RTN4RL1: variants seen among roughly 807,000 people sequenced by gnomAD.
RTN4RL1 encodes reticulon 4 receptor like 1.
In RTN4RL1, 7 loss-of-function variants were observed where a neutral mutation model predicts 25.6. The observed-to-expected ratio is 0.27, with a 90% CI of 0.16 to 0.51. The LOEUF (loss-of-function observed/expected upper bound fraction) is 0.51. Ranked by LOEUF, RTN4RL1 falls within the 20% of genes least tolerant of loss-of-function variation. The pLI, the probability that RTN4RL1 is intolerant of heterozygous loss-of-function variation, is 0.97. For missense variants in RTN4RL1, 500 were observed against 615.6 expected (o/e 0.81, Z 1.99); for synonymous variants, 297 against 288.2 (o/e 1.03, Z -0.31).
At chr17:1,984,714 C>T (rs961162441) in intron 1 of RTN4RL1, among the ~76,000 whole-genome samples, 4 of 152,248 alleles carry the variant, frequency 2.6e-5, no homozygotes, top group Admixed American at 6.5e-5. Flanking sequence ...CGCCTGTAAT[C>T]CCAGCACTTC....
chr17:1,942,510 G>T (rs1453444222), intron 1 of RTN4RL1, among the ~76,000 whole-genome samples: 1 of 152,066 alleles, frequency 6.6e-6, no homozygotes, highest in Non-Finnish European at 1.5e-5. Context: ...GGGTGCTCAG[G>T]AAAGACCCCT....
intron 1 of RTN4RL1, among the ~76,000 whole-genome samples, chr17:1,949,879 A>C (rs1915638346): frequency 6.6e-6 from 1 of 152,244 alleles, no homozygotes; most frequent in African/African-American, 2.4e-5. Context: ...GCGACTTCTG[A>C]ATTGAAACCT....
intron 1 of RTN4RL1, among the ~76,000 whole-genome samples, chr17:1,951,753 C>T (rs967778103): frequency 1.3e-5 from 2 of 151,978 alleles, no homozygotes; most frequent in African/African-American, 2.4e-5. Context: ...GCGCCCGGCC[C>T]GAAGCCACAA....
At chr17:1,986,972 AG>A (rs149332553) in intron 1 of RTN4RL1, among the ~76,000 whole-genome samples, 12,681 of 152,130 alleles carry the variant, frequency 0.083, 722 homozygotes, top group Non-Finnish European at 0.12. Context: ...CTGCAAAATG[AG>A]GGGGCTGGAC....
chr17:1,935,753 A>C lies in RTN4RL1; in HGVS notation c.*743T>G. 3.2e-6 allele frequency: 1 copy of C among 307,982 alleles called. No individual in the cohort carries two copies. Among genetic ancestry groups the C allele is most frequent in the Non-Finnish European group, 4.5e-6 (1 of 222,708 alleles). 19.1% of individuals were successfully genotyped at this position (307,982 alleles called of 1,614,324 possible). A position where few individuals can be genotyped will look rare whatever the true frequency, so the allele number is the denominator to read the frequency against. On this transcript the variant is annotated 3_prime_UTR_variant, in exon 2 of 2. Coordinates refer to ENST00000331238, the MANE Select transcript of RTN4RL1 (RefSeq NM_178568.4). Reference sequence around the variant, plus strand: ...TATATATATATATATATATATATATATGTAGAGTGTGAATATATATAAGTG... The same window carrying C: ...TATATATATATATATATATATATATCTGTAGAGTGTGAATATATATAAGTG...
At chr17:1,947,299 A>G (rs1915577635) in intron 1 of RTN4RL1, among the ~76,000 whole-genome samples, 1 of 152,180 alleles carries the variant, frequency 6.6e-6, no homozygotes, top group South Asian at 2.1e-4. Flanking sequence ...AAGCCGATGC[A>G]TGTGTGCAAA....
chr17:1,977,572 C>T lies in RTN4RL1; in HGVS notation c.14-39764G>A, dbSNP rs549899633. The stretch of plus-strand genomic sequence containing the variant: ...GTGTCTGGGACCCAGGAACCACCCG[C>T]GGCTGGGAGACCTGGGGCGGCCTGG... On this transcript the variant is annotated intron_variant, in intron 1 of 1. Transcript: ENST00000331238. Among the ~76,000 whole-genome samples the T allele has an allele frequency of 5.9e-5, 9 of 152,242 alleles. No individual in the cohort carries two copies. The East Asian group carries it at 7.7e-4, about 13-fold the overall frequency.
At chr17:1,985,095 T>C (rs955201001) in intron 1 of RTN4RL1, among the ~76,000 whole-genome samples, 2 of 152,344 alleles carry the variant, frequency 1.3e-5, no homozygotes, top group East Asian at 3.9e-4. Context: ...CAGGCAAATA[T>C]ACTTTGTTCC....
rs1403430053 is a variant in RTN4RL1, at chr17:1,998,712, C to T, written c.13+26141G>A. ...TGGCGCTGCCGGAGCGCCCGGGCCC[C>T]GCTCCCCTCACGGGCCTCGCAGCAC... On this transcript the variant is annotated intron_variant, in intron 1 of 1. Coordinates refer to ENST00000331238, the MANE Select transcript of RTN4RL1 (RefSeq NM_178568.4). The surrounding 1 kb of genome is among the most constrained non-coding windows in gnomAD (Gnocchi z 4.9). Among the ~76,000 whole-genome samples, 1 of 151,452 alleles carries T rather than the reference C, an allele frequency of 6.6e-6. No homozygotes were observed. Among genetic ancestry groups the T allele is most frequent in the African/African-American group, 2.4e-5 (1 of 41,094 alleles).
chr17:1,946,295 A>G (rs1287140246), intron 1 of RTN4RL1, among the ~76,000 whole-genome samples: 2 of 152,360 alleles, frequency 1.3e-5, no homozygotes, highest in South Asian at 4.1e-4. Context: ...CTCTGAATGC[A>G]GGAAGGGGAG....
intron 1 of RTN4RL1, among the ~76,000 whole-genome samples, chr17:1,991,695 A>G (rs1437462266): frequency 1.3e-5 from 2 of 152,070 alleles, no homozygotes; most frequent in Non-Finnish European, 2.9e-5. Context: ...CTTGGCATCC[A>G]CCCCATCTCA....
chr17:1,967,372 C>T (rs144224084), intron 1 of RTN4RL1, among the ~76,000 whole-genome samples: 191 of 152,214 alleles, frequency 1.3e-3, no homozygotes, highest in African/African-American at 4.3e-3. Flanking sequence ...CCCTCAGCAT[C>T]CTCAGCTCCC....
intron 1 of RTN4RL1, among the ~76,000 whole-genome samples, chr17:1,959,952 G>A (rs989943704): frequency 2.0e-5 from 3 of 152,126 alleles, no homozygotes; most frequent in Non-Finnish European, 4.4e-5. Flanking sequence ...CCGCCTGCCC[G>A]CCTGGCACTG....
At chr17:1,984,725 G>T (rs922339986) in intron 1 of RTN4RL1, among the ~76,000 whole-genome samples, 1 of 152,156 alleles carries the variant, frequency 6.6e-6, no homozygotes, top group African/African-American at 2.4e-5. Flanking sequence ...CCAGCACTTC[G>T]GGAGACCGAG....
intron 1 of RTN4RL1, among the ~76,000 whole-genome samples, chr17:1,950,876 G>A (rs1266925575): frequency 1.5e-5 from 2 of 131,654 alleles, no homozygotes; most frequent in African/African-American, 5.8e-5. Flanking sequence ...AAAAAAAAAG[G>A]CTACTTGGCA....
intron 1 of RTN4RL1, among the ~76,000 whole-genome samples, chr17:1,992,512 T>G (rs768949397): frequency 1.1e-4 from 17 of 152,174 alleles, no homozygotes; most frequent in Non-Finnish European, 2.1e-4. Context: ...GATTGAAGCT[T>G]AAGGATACAG....
At chr17:2,001,009 T>C (rs2066954587) in intron 1 of RTN4RL1, among the ~76,000 whole-genome samples, 1 of 151,830 alleles carries the variant, frequency 6.6e-6, no homozygotes, top group Non-Finnish European at 1.5e-5. Context: ...CCTCTGTGTC[T>C]GAGAATCACT....
intron 1 of RTN4RL1, among the ~76,000 whole-genome samples, chr17:1,947,158 C>T (rs748583062): frequency 4.0e-5 from 6 of 149,556 alleles, no homozygotes; most frequent in East Asian, 2.0e-4. Context: ...TGTGTATGCA[C>T]GGGGTCTGTG....
rs1213295319 is a variant in RTN4RL1, at chr17:1,952,331, G to GT, written c.14-14524_14-14523insA. 4.8e-3 allele frequency among the ~76,000 whole-genome samples: 480 copies of GT among 99,752 alleles called. 4 individuals are homozygous for GT. The highest frequency in any genetic ancestry group is 0.016 in the South Asian group (53 of 3,362). 65.4% of individuals were successfully genotyped at this position (99,752 alleles called of 152,430 possible). A position where few individuals can be genotyped will look rare whatever the true frequency, so the allele number is the denominator to read the frequency against. On this transcript the variant is annotated intron_variant, in intron 1 of 1. Transcript: ENST00000331238. ...GGAGGGGCATGGGTCAAGGGAGGTT[G>GT]GTTTTTTTTTTTTTTTTTTTTTTGA...
Sources: allele counts gnomAD v4.1 joint callset (sites outside exome capture counted in the v4.1 genomes callset), GRCh38; gene constraint gnomAD v4.1.1; non-coding constraint Gnocchi (gnomAD v3.1); transcripts MANE v1.5; gene names NCBI Gene and HGNC (gene_info 2026-07-23, HGNC 2026-07-21).